The following ERAP1 variants were observed in gnomAD, a reference collection of about 807,000 sequenced individuals.
ERAP1 encodes the protein endoplasmic reticulum aminopeptidase 1.
In ERAP1, 86 loss-of-function variants were observed where a neutral mutation model predicts 103.7. That is an observed-to-expected ratio of 0.83 (90% confidence interval 0.70 to 0.99). ERAP1 has a LOEUF of 0.99. ERAP1 is among the 50% of genes least tolerant of loss of function. ERAP1 has a pLI of 0.00. For missense variants in ERAP1, 1,009 were observed against 1,128.4 expected, an observed-to-expected ratio of 0.89 and a Z score of 1.52; for synonymous variants, 398 against 402.4, an observed-to-expected ratio of 0.99 and a Z score of 0.13.
At chr5:96,770,191 A>G, downstream of ERAP1, 2 of 286,828 alleles carry the variant, frequency 7.0e-6, no homozygotes, top group South Asian at 8.0e-5. Flanking sequence ...CTGACAGTGT[A>G]CTAGGGTTCC....
At chr5:96,896,294 T>C in the ERAP1 span, 1 of 1,170,608 alleles carries the variant, frequency 8.5e-7, no homozygotes, top group Non-Finnish European at 1.2e-6. Context: ...TAAGAACATC[T>C]TACTAAACCT....
At chr5:96,827,698 G>T in the ERAP1 span, among the ~76,000 whole-genome samples, 1 of 151,846 alleles carries the variant, frequency 6.6e-6, no homozygotes, top group Admixed American at 6.6e-5. Context: ...AACGTTTTTT[G>T]GGAATTTGCT....
At chr5:96,885,714 CCTGT>C in the ERAP1 span, among the ~76,000 whole-genome samples, 12 of 152,138 alleles carry the variant, frequency 7.9e-5, no homozygotes, top group Admixed American at 3.9e-4. Context: ...TGGGGAAGAG[CCTGT>C]CTAGGAGTTG....
rs1282129117 is a variant in ERAP1, at chr5:96,780,450, T to C, written c.2643A>G (p.Gln881=). 4.3e-6 allele frequency: 7 copies of C among 1,612,644 alleles called. 1 individual carries two copies. The South Asian group carries it at 6.6e-5, about 15-fold the overall frequency. The change falls in exon 18 of 19, where the codon CAA becomes CAG. Residue 881 remains glutamine (Q), a synonymous_variant. Transcript: ENST00000443439. ...IAHMVMGTTN[Q]FSTRTRLEEV... is the part of the protein sequence containing the mutation. ...CTTCAAGCCGTGTTCTTGTGGAGAA[T>C]TGATTTGTTGTACCCATTACCATGT...
At chr5:96,928,821 CA>C in the ERAP1 span, among the ~76,000 whole-genome samples, 1 of 152,140 alleles carries the variant, frequency 6.6e-6, no homozygotes, top group South Asian at 2.1e-4. Flanking sequence ...CAGGGAAAGG[CA>C]ATCTCGCAAT....
At chr5:96,822,902 C>A in the ERAP1 span, 1 of 362,936 alleles carries the variant, frequency 2.8e-6, no homozygotes, top group South Asian at 2.1e-5. Context: ...TCACATGAGG[C>A]TGAATCAAGG....
chr5:96,798,016 G>A (rs7710702), intron 3 of ERAP1, among the ~76,000 whole-genome samples: 383 of 152,208 alleles, frequency 2.5e-3, no homozygotes, highest in Non-Finnish European at 4.3e-3. Context: ...AAGAGCTTCT[G>A]TTCTGCTGTA....
chr5:96,929,051 A>G, the ERAP1 span, among the ~76,000 whole-genome samples: 1 of 152,236 alleles, frequency 6.6e-6, no homozygotes, highest in East Asian at 1.9e-4. Context: ...AGGTCACAGC[A>G]CATGCAGACA....
chr5:96,807,336 C>T (rs184145738), intron 1 of ERAP1, among the ~76,000 whole-genome samples: 66 of 152,308 alleles, frequency 4.3e-4, no homozygotes, highest in Non-Finnish European at 1.6e-4. Flanking sequence ...CCCACCCCAC[C>T]AGAGTCTTTA....
intron 1 of ERAP1, 82 bp downstream of exon 1, chr5:96,807,778 C>G: frequency 1.0e-6 from 1 of 954,928 alleles, no homozygotes; most frequent in African/African-American, 1.8e-5. Context: ...CAGCCCCCCA[C>G]TTGACGGGCG....
At chr5:96,878,513 C>T in the ERAP1 span, among the ~76,000 whole-genome samples, 13,914 of 152,130 alleles carry the variant, frequency 0.091, 740 homozygotes, top group Non-Finnish European at 0.12. Flanking sequence ...TTCAGGCATA[C>T]ACTTAAAATT....
At chr5:96,810,138 G>C (rs1779071148), upstream of ERAP1, among the ~76,000 whole-genome samples, 2 of 152,194 alleles carry the variant, frequency 1.3e-5, no homozygotes, top group South Asian at 4.1e-4. Flanking sequence ...CCCTGGCCGT[G>C]ATTTCGTCTT....
At chr5:96,881,083 G>A in the ERAP1 span, 11 of 233,290 alleles carry the variant, frequency 4.7e-5, no homozygotes, top group Admixed American at 5.2e-4. Flanking sequence ...AAGCTGAGGA[G>A]AGCGAACAAG....
the ERAP1 span, chr5:96,892,604 A>C: frequency 3.3e-5 from 28 of 838,024 alleles, no homozygotes; most frequent in Non-Finnish European, 5.1e-5. Context: ...CAAGTAGCAC[A>C]GTACTCAGTC....
chr5:96,878,762 T>C, the ERAP1 span, among the ~76,000 whole-genome samples: 5 of 152,094 alleles, frequency 3.3e-5, no homozygotes, highest in Non-Finnish European at 7.4e-5. Flanking sequence ...ACCCCGTCTC[T>C]ACTAAAAATA....
rs753403567 is a variant in ERAP1, at chr5:96,785,778, C to T, written c.1943+10G>A. 12 of 1,613,706 alleles carry T rather than the reference C, an allele frequency of 7.4e-6. No individual in the cohort carries two copies. Among genetic ancestry groups the T allele is most frequent in the African/African-American group, 4.0e-5 (3 of 74,906 alleles). On this transcript the variant is annotated intron_variant, in intron 13 of 18. Transcript: ENST00000443439. ...AGAAATAAACCGCGACTTTGTGCAGCGTGTATTACCTGACGAGCTGAAATG... is the reference window on the plus strand; with the variant it reads ...AGAAATAAACCGCGACTTTGTGCAGTGTGTATTACCTGACGAGCTGAAATG...
chr5:96,881,388 A>G, the ERAP1 span: 4 of 455,546 alleles, frequency 8.8e-6, no homozygotes, highest in South Asian at 3.1e-5. Flanking sequence ...GATTGCTGAC[A>G]TATTGGTCAT....
chr5:96,897,462 G>C, the ERAP1 span, among the ~76,000 whole-genome samples: 2 of 152,216 alleles, frequency 1.3e-5, no homozygotes, highest in East Asian at 3.9e-4. Context: ...CTTATAATCT[G>C]TTCCACATAA....
At chr5:96,856,272 T>C in the ERAP1 span, among the ~76,000 whole-genome samples, 2 of 132,336 alleles carry the variant, frequency 1.5e-5, no homozygotes, top group South Asian at 5.1e-4. Context: ...TGAGCCAAGA[T>C]TGCACCATTG....
Sources: gnomAD v4.1 joint callset for allele counts (sites outside exome capture counted in the v4.1 genomes callset) on GRCh38, gnomAD v4.1.1 for gene constraint, MANE v1.5 for transcripts, NCBI Gene and HGNC (gene_info 2026-07-23, HGNC 2026-07-21) for gene names.